RFX8: variants seen among roughly 807,000 people sequenced by gnomAD.
The protein encoded by RFX8 is DNA-binding protein RFX8.
RFX8 carries 46 observed loss-of-function variants against 54.6 expected under a neutral mutation model. The ratio of observed to expected loss-of-function variants is 0.84; its 90% confidence interval spans 0.67 to 1.08. RFX8 has a LOEUF of 1.08. RFX8 is among the 50% of genes least tolerant of loss of function. The pLI, the probability that RFX8 is intolerant of heterozygous loss-of-function variation, is 0.00. For missense variants in RFX8, 536 were observed against 562.3 expected, an observed-to-expected ratio of 0.95 and a Z score of 0.47; for synonymous variants, 192 against 209.5, an observed-to-expected ratio of 0.92 and a Z score of 0.72.
At chr2:101,463,517 T>A (rs1689401978) in intron 2 of RFX8, among the ~76,000 whole-genome samples, 1 of 152,120 alleles carries the variant, frequency 6.6e-6, no homozygotes, top group Non-Finnish European at 1.5e-5. Context: ...AGCTGGCATG[T>A]GGGAGAGCCC....
chr2:101,428,740 C>T (rs188362643), intron 2 of RFX8, among the ~76,000 whole-genome samples: 3 of 152,280 alleles, frequency 2.0e-5, no homozygotes, highest in Non-Finnish European at 4.4e-5. Flanking sequence ...GAATGTGCAG[C>T]CAAACAGTAC....
rs1486626273 is a variant in RFX8, at chr2:101,397,560, A to G, written c.1410T>C (p.Asn470=). 14 of 1,543,054 alleles carry G rather than the reference A, an allele frequency of 9.1e-6. No individual in the cohort carries two copies. The highest frequency in any genetic ancestry group is 1.2e-5 in the Non-Finnish European group (14 of 1,142,114). Residue 470 remains asparagine (N), a synonymous_variant, in exon 12 of 12, where the codon AAT becomes AAC. Transcript: ENST00000428343. ...CAAATAAATAATCTCACACATTAGC[A>G]TTGTTTTCTCTGAAATAAATATCTT... The part of the protein sequence containing the change: ...SSEDIYFREN[N]ANV
intron 1 of RFX8, among the ~76,000 whole-genome samples, chr2:101,473,240 C>A (rs1453976733): frequency 6.6e-6 from 1 of 152,106 alleles, no homozygotes. Flanking sequence ...AATTTAAACC[C>A]TGGAAACTCT....
chr2:101,474,397 G>A, intron 1 of RFX8: 1 of 381,830 alleles, frequency 2.6e-6, no homozygotes. Flanking sequence ...AGCGCGCGGG[G>A]GGCGCGCGGG....
intron 6 of RFX8, 87 bp downstream of exon 6, chr2:101,417,447 C>A: frequency 8.0e-7 from 1 of 1,257,734 alleles, no homozygotes; most frequent in Non-Finnish European, 1.1e-6. Flanking sequence ...CTCAAGCGAT[C>A]CTCCTGCCTC....
At chr2:101,410,343 G>A (rs1011604362) in intron 9 of RFX8, among the ~76,000 whole-genome samples, 2 of 150,200 alleles carry the variant, frequency 1.3e-5, no homozygotes, top group African/African-American at 4.9e-5. Context: ...CTCATCACAG[G>A]CTCGCCCCTC....
At chr2:101,410,393 A>T (rs894417405) in intron 9 of RFX8, among the ~76,000 whole-genome samples, 9 of 55,822 alleles carry the variant, frequency 1.6e-4, no homozygotes, top group African/African-American at 8.2e-4. Context: ...GCCCACACTC[A>T]CACACACACA....
At chr2:101,462,191 G>T (rs6543069) in intron 2 of RFX8, among the ~76,000 whole-genome samples, 3 of 152,070 alleles carry the variant, frequency 2.0e-5, no homozygotes, top group Non-Finnish European at 4.4e-5. Flanking sequence ...TTTGGGAGGC[G>T]GAGACGCAGG....
chr2:101,421,815 CT>C (rs1686883684), intron 3 of RFX8, 38 bp from the exon 4 acceptor site: 7 of 1,454,828 alleles, frequency 4.8e-6, no homozygotes, highest in South Asian at 1.2e-5. Context: ...GCATGTGGGC[CT>C]TTTCAATAAT....
chr2:101,461,130 A>G (rs1206568416), intron 2 of RFX8, among the ~76,000 whole-genome samples: 1 of 151,708 alleles, frequency 6.6e-6, no homozygotes, highest in Non-Finnish European at 1.5e-5. Context: ...ATTGCCGGGC[A>G]TGGTAGCGGG....
At position 101,402,509 on chromosome 2, in the gene RFX8, C is replaced by T. The variant is rs748998453; in HGVS notation, c.1172G>A (p.Arg391Gln). The T allele has an allele frequency of 2.3e-5, 36 of 1,551,670 alleles. No individual in the cohort carries two copies. The highest frequency in any genetic ancestry group is 4.1e-5 in the African/African-American group (3 of 73,052). Residue 391 changes from arginine to glutamine, a missense_variant, in exon 11 of 12, where the codon CGA becomes CAA. Arg to Gln is a conservative substitution (Grantham distance 43). Transcript: ENST00000428343. Reference protein sequence around the residue: ...GVMPTHMGQGRYPVGVSNMVL... With the variant: ...GVMPTHMGQGQYPVGVSNMVL... ...CATGTTGCTCACACCCACGGGATAT[C>T]GGCCCTGGCCCATGTGTGTGGGCAT...
intron 2 of RFX8, among the ~76,000 whole-genome samples, chr2:101,432,060 A>G (rs1573416539): frequency 1.3e-5 from 2 of 152,276 alleles, no homozygotes; most frequent in East Asian, 1.9e-4. Flanking sequence ...TCTATGAAAA[A>G]GTCCCCATCT....
chr2:101,435,782 G>C (rs1300941259), intron 2 of RFX8, among the ~76,000 whole-genome samples: 1 of 152,060 alleles, frequency 6.6e-6, no homozygotes. Context: ...GACTTTGTGA[G>C]GTGGTCTTGT....
intron 2 of RFX8, among the ~76,000 whole-genome samples, chr2:101,444,637 G>T (rs1688274047): frequency 6.6e-6 from 1 of 152,080 alleles, no homozygotes; most frequent in Non-Finnish European, 1.5e-5. Flanking sequence ...TGAAACAAAT[G>T]AAAAAATTGA....
intron 2 of RFX8, among the ~76,000 whole-genome samples, chr2:101,425,795 A>G (rs1424606878): frequency 6.6e-6 from 1 of 152,246 alleles, no homozygotes; most frequent in African/African-American, 2.4e-5. Context: ...AAGTAAAAGT[A>G]GCGTACAGAG....
At chr2:101,401,999 G>T (rs1395537672) in intron 11 of RFX8, among the ~76,000 whole-genome samples, 1 of 152,202 alleles carries the variant, frequency 6.6e-6, no homozygotes, top group Non-Finnish European at 1.5e-5. Flanking sequence ...TAGGTAAATA[G>T]TAACTCTAAT....
intron 1 of RFX8, among the ~76,000 whole-genome samples, chr2:101,468,182 A>T (rs1689684637): frequency 6.6e-6 from 1 of 152,214 alleles, no homozygotes; most frequent in African/African-American, 2.4e-5. Context: ...TCCTTGGGGT[A>T]ACAAATTACC....
intron 2 of RFX8, among the ~76,000 whole-genome samples, chr2:101,451,819 C>A (rs573378587): frequency 1.3e-5 from 2 of 152,108 alleles, no homozygotes; most frequent in Admixed American, 1.3e-4. Flanking sequence ...CAAGGCCGGA[C>A]GTGGTGGCTC....
At chr2:101,422,286 G>A (rs1254303230) in intron 3 of RFX8, 76 bp downstream of exon 3, 10 of 757,466 alleles carry the variant, frequency 1.3e-5, no homozygotes, top group Non-Finnish European at 2.3e-5. Flanking sequence ...ATGACCACAG[G>A]CACAAAAGGA....
Sources: allele counts gnomAD v4.1 joint callset (sites outside exome capture counted in the v4.1 genomes callset), GRCh38; gene constraint gnomAD v4.1.1; transcripts MANE v1.5; gene names NCBI Gene and HGNC (gene_info 2026-07-23, HGNC 2026-07-21).